The following RAMP3 variants were observed in gnomAD, a reference collection of about 807,000 sequenced individuals.
The protein encoded by RAMP3 is receptor activity modifying protein 3.
A neutral mutation model predicts 13.5 loss-of-function variants in RAMP3; 14 were observed. The observed-to-expected ratio is 1.04, with a 90% CI of 0.69 to 1.63. The LOEUF is 1.63. RAMP3 is among the 40% of genes most tolerant of loss of function. The pLI is 0.00. For missense variants in RAMP3, 200 were observed against 204.8 expected (o/e 0.98, Z 0.14); for synonymous variants, 106 against 88.3 (o/e 1.20, Z -1.12).
At chr7:45,170,637 T>G (rs905424985) in intron 1 of RAMP3, among the ~76,000 whole-genome samples, 5 of 151,714 alleles carry the variant, frequency 3.3e-5, no homozygotes, top group African/African-American at 9.7e-5. Flanking sequence ...GCGCCCGGCC[T>G]TATTTTATTT....
chr7:45,162,750 T>A (rs1584064313), intron 1 of RAMP3, among the ~76,000 whole-genome samples: 1 of 152,246 alleles, frequency 6.6e-6, no homozygotes, highest in African/African-American at 2.4e-5. Context: ...GGCAAGGGTC[T>A]GCCAGGTAGG....
chr7:45,167,463 A>G (rs983942726), intron 1 of RAMP3, among the ~76,000 whole-genome samples: 1 of 151,766 alleles, frequency 6.6e-6, no homozygotes, highest in African/African-American at 2.4e-5. Context: ...CCACTGGTCT[A>G]TTTATCTAAC....
intron 1 of RAMP3, among the ~76,000 whole-genome samples, chr7:45,169,018 C>T (rs1473528505): frequency 1.3e-5 from 2 of 152,150 alleles, no homozygotes; most frequent in South Asian, 4.1e-4. Context: ...GCTTTTTCTG[C>T]ATCAATTGAG....
At chr7:45,159,135 G>A (rs181306643) in intron 1 of RAMP3, among the ~76,000 whole-genome samples, 2 of 152,312 alleles carry the variant, frequency 1.3e-5, no homozygotes, top group African/African-American at 4.8e-5. Flanking sequence ...CCTGTCTCTC[G>A]TGGACCCAGT....
chr7:45,158,575 G>C (rs1785807328), intron 1 of RAMP3, among the ~76,000 whole-genome samples: 1 of 152,246 alleles, frequency 6.6e-6, no homozygotes, highest in Non-Finnish European at 1.5e-5. Context: ...GTAAGAGAGA[G>C]AGAGAGAGAG....
intron 1 of RAMP3, among the ~76,000 whole-genome samples, chr7:45,164,992 T>C (rs536168888): frequency 6.6e-6 from 1 of 152,336 alleles, no homozygotes; most frequent in African/African-American, 2.4e-5. Flanking sequence ...TCTACCATTG[T>C]ACCATCAATT....
At chr7:45,175,388 C>T (rs1018271598) in intron 1 of RAMP3, among the ~76,000 whole-genome samples, 1 of 152,148 alleles carries the variant, frequency 6.6e-6, no homozygotes. Context: ...TTCTCTGGGG[C>T]CTCAAGATGC....
At chr7:45,180,250 C>T (rs1584078218) in intron 2 of RAMP3, among the ~76,000 whole-genome samples, 1 of 152,232 alleles carries the variant, frequency 6.6e-6, no homozygotes, top group South Asian at 2.1e-4. Flanking sequence ...GTGGAGGCAG[C>T]CTGGCCCAGG....
chr7:45,162,431 G>A (rs981347283), intron 1 of RAMP3, among the ~76,000 whole-genome samples: 2 of 152,172 alleles, frequency 1.3e-5, no homozygotes, highest in Non-Finnish European at 2.9e-5. Context: ...GGTGAGCCTT[G>A]GATGCAGCCC....
At chr7:45,172,966 G>C (rs1352751422) in intron 1 of RAMP3, among the ~76,000 whole-genome samples, 1 of 152,166 alleles carries the variant, frequency 6.6e-6, no homozygotes, top group African/African-American at 2.4e-5. Flanking sequence ...TCAGTGCCAG[G>C]TCCCATTCCT....
Position 45,161,767 on chromosome 7 carries a change from G to C in RAMP3, c.58+3881G>C, listed in dbSNP as rs139878151. ...TGACAGTCAGAGTAGGCTGAGGGGGGACCAGGCCAAGTGGTCCAGGTCTAG... is the reference window on the plus strand; with the variant it reads ...TGACAGTCAGAGTAGGCTGAGGGGGCACCAGGCCAAGTGGTCCAGGTCTAG... On this transcript the variant is annotated intron_variant, in intron 1 of 2. Coordinates refer to ENST00000242249, the MANE Select transcript of RAMP3 (RefSeq NM_005856.3). Among the ~76,000 whole-genome samples the C allele has an allele frequency of 9.4e-3, 1,437 of 152,120 alleles. 26 individuals carry two copies. Among genetic ancestry groups the C allele is most frequent in the African/African-American group, 0.032 (1,344 of 41,478 alleles).
At position 45,184,101 on chromosome 7, in the gene RAMP3, G is replaced by T; in HGVS notation, c.*689G>T. 2.5e-6 allele frequency: 1 copy of T among 399,698 alleles called. No homozygotes were observed. 24.8% of individuals were successfully genotyped at this position (399,698 alleles called of 1,614,324 possible). On this transcript the variant is annotated 3_prime_UTR_variant, in exon 3 of 3. Coordinates refer to ENST00000242249, the MANE Select transcript of RAMP3 (RefSeq NM_005856.3). ...TGGGGGTGTGTTAGAGCCCCTCACC[G>T]GGACTTGCTGTGCGGATGGGGCCTG...
chr7:45,179,050 C>G (rs1057146805), intron 2 of RAMP3, among the ~76,000 whole-genome samples: 11 of 152,212 alleles, frequency 7.2e-5, no homozygotes, highest in South Asian at 6.2e-4. Flanking sequence ...CTCCTCCACC[C>G]CAGCTGGACA....
At chr7:45,177,972 G>A (rs558025125) in intron 2 of RAMP3, among the ~76,000 whole-genome samples, 4 of 150,932 alleles carry the variant, frequency 2.7e-5, no homozygotes, top group Non-Finnish European at 5.9e-5. Context: ...AGGGTGCCCT[G>A]CCCGGGGAGT....
intron 1 of RAMP3, among the ~76,000 whole-genome samples, chr7:45,175,942 G>T (rs1050549547): frequency 6.6e-6 from 1 of 152,186 alleles, no homozygotes; most frequent in Non-Finnish European, 1.5e-5. Context: ...GTCTAAACCT[G>T]CCATTTCCAT....
intron 1 of RAMP3, among the ~76,000 whole-genome samples, chr7:45,158,328 G>C (rs1264343906): frequency 1.3e-5 from 2 of 152,140 alleles, no homozygotes; most frequent in Non-Finnish European, 2.9e-5. Flanking sequence ...GGGCGTGGGC[G>C]GGTGGACTCC....
At chr7:45,170,596 C>T (rs1361501366) in intron 1 of RAMP3, among the ~76,000 whole-genome samples, 1 of 151,880 alleles carries the variant, frequency 6.6e-6, no homozygotes, top group African/African-American at 2.4e-5. Flanking sequence ...CTCGGCCTTC[C>T]AAAGTGCTGG....
chr7:45,159,720 G>C (rs117294452), intron 1 of RAMP3, among the ~76,000 whole-genome samples: 1 of 152,170 alleles, frequency 6.6e-6, no homozygotes, highest in Admixed American at 6.5e-5. Context: ...CCGTCAGTTT[G>C]ATTCCATTCA....
At chr7:45,177,225 CAA>C (rs1584075833) in intron 1 of RAMP3, 82 bp from the exon 2 acceptor site, 1 of 1,568,912 alleles carries the variant, frequency 6.4e-7, no homozygotes, top group East Asian at 2.2e-5. Flanking sequence ...AGTGAGTACT[CAA>C]GTTATGGCCC....
Sources: gnomAD v4.1 joint callset for allele counts (sites outside exome capture counted in the v4.1 genomes callset) on GRCh38, gnomAD v4.1.1 for gene constraint, MANE v1.5 for transcripts, NCBI Gene and HGNC (gene_info 2026-07-23, HGNC 2026-07-21) for gene names.